Variants in ZFY observed in about 807,000 individuals in gnomAD.
ZFY encodes the protein zinc finger protein Y-linked, also known as zinc finger Y-chromosomal protein.
For synonymous variants in ZFY, 47 were observed against 55.8 expected, an observed-to-expected ratio of 0.84 and a Z score of 0.71; for missense variants, 113 against 170.9, an observed-to-expected ratio of 0.66 and a Z score of 1.89.
chrY:2,965,088 A>G, intron 3 of ZFY, among the ~76,000 whole-genome samples: 1 of 30,520 alleles, frequency 3.3e-5, no homozygotes, highest in South Asian at 7.7e-4. Flanking sequence ...GCCCATTTTT[A>G]GAGAACTGAT....
At chrY:2,961,708 A>G in intron 3 of ZFY, 62 bp downstream of exon 3, 1 of 297,245 alleles carries the variant, frequency 3.4e-6, no homozygotes, top group South Asian at 3.3e-5. Context: ...TCTAACATAA[A>G]TAATGGTGAA....
At chrY:2,970,052 A>G (rs2051343205) in intron 3 of ZFY, among the ~76,000 whole-genome samples, 1 of 32,833 alleles carries the variant, frequency 3.0e-5, no homozygotes, top group Non-Finnish European at 7.5e-5. Context: ...TAAATATTAA[A>G]GTGGATCATC....
intron 3 of ZFY, 81 bp from the exon 4 acceptor site, chrY:2,975,014 T>C: frequency 3.4e-6 from 1 of 295,450 alleles, no homozygotes; most frequent in Middle Eastern, 7.3e-4. Context: ...TAAACAAAGA[T>C]GACATATGTC....
chrY:2,949,431 C>T, intron 1 of ZFY, among the ~76,000 whole-genome samples: 4 of 31,586 alleles, frequency 1.3e-4, no homozygotes, highest in African/African-American at 5.0e-4. Flanking sequence ...CGGCACCCAA[C>T]CTGGCCAAAA....
intron 3 of ZFY, among the ~76,000 whole-genome samples, chrY:2,963,437 T>C (rs1425637356): frequency 3.0e-5 from 1 of 33,596 alleles, no homozygotes. Context: ...ACAGTATAGA[T>C]GTTACTATTG....
At chrY:2,942,578 T>C in intron 1 of ZFY, among the ~76,000 whole-genome samples, 1 of 27,605 alleles carries the variant, frequency 3.6e-5, no homozygotes, top group Non-Finnish European at 8.4e-5. Context: ...AAATTTTTCT[T>C]TTTTTTTTCT....
intron 1 of ZFY, among the ~76,000 whole-genome samples, 181 bp downstream of exon 1, chrY:2,935,950 C>T (rs764396530): frequency 2.9e-5 from 1 of 34,609 alleles, no homozygotes; most frequent in African/African-American, 1.1e-4. Context: ...CGGTTATGAT[C>T]CTTGAGGCGG....
chrY:2,945,474 C>T (rs2051259910), intron 1 of ZFY, among the ~76,000 whole-genome samples: 1 of 30,980 alleles, frequency 3.2e-5, no homozygotes. Context: ...CCCCTCCCCT[C>T]CCCTCCCCTC....
Position 2,950,782 on chromosome Y carries a change from A to G in ZFY, c.-28-3127A>G, listed in dbSNP as rs774097457. On this transcript the variant is annotated intron_variant, in intron 1 of 7. Coordinates refer to ENST00000155093, the MANE Select transcript of ZFY (RefSeq NM_003411.4). The stretch of plus-strand genomic sequence containing the variant: ...GGATATGTATATGACGTAAAATTAT[A>G]CTTAACCCTCTTTCATTCAAGATTT... Among the ~76,000 whole-genome samples, 8 of 33,870 alleles carry G rather than the reference A, an allele frequency of 2.4e-4. No homozygotes were observed. In the East Asian group the frequency reaches 6.2e-3, roughly 26 times the overall value. 90.9% of individuals were successfully genotyped at this position (33,870 alleles called of 37,273 possible).
chrY:2,968,133 A>G (rs2051334790), intron 3 of ZFY, among the ~76,000 whole-genome samples: 1 of 32,735 alleles, frequency 3.1e-5, no homozygotes, highest in South Asian at 6.8e-4. Flanking sequence ...AATTAGTAGA[A>G]AAAGACTCAA....
chrY:2,945,743 TG>T (rs2051260735), intron 1 of ZFY, among the ~76,000 whole-genome samples: 1 of 33,733 alleles, frequency 3.0e-5, no homozygotes, highest in Non-Finnish European at 7.4e-5. Context: ...CCCAAAGTGC[TG>T]GGATTAGAGG....
chrY:2,960,579 TG>T (rs2051305704), intron 2 of ZFY, among the ~76,000 whole-genome samples: 1 of 25,529 alleles, frequency 3.9e-5, no homozygotes, highest in Non-Finnish European at 9.2e-5. Flanking sequence ...GTAGGTATAA[TG>T]AAAAAAAAAA....
At chrY:2,946,121 T>G in intron 1 of ZFY, among the ~76,000 whole-genome samples, 1 of 30,816 alleles carries the variant, frequency 3.2e-5, no homozygotes, top group Non-Finnish European at 7.9e-5. Flanking sequence ...GCAAGGAGGT[T>G]TTTTTTTTTA....
At chrY:2,938,744 A>G in intron 1 of ZFY, among the ~76,000 whole-genome samples, 1 of 28,223 alleles carries the variant, frequency 3.5e-5, no homozygotes, top group Non-Finnish European at 8.3e-5. Context: ...TACCCAGGTA[A>G]TTTTTCTAGT....
chrY:2,954,062 G>T, intron 2 of ZFY, 65 bp downstream of exon 2: 1 of 264,065 alleles, frequency 3.8e-6, no homozygotes, highest in Non-Finnish European at 5.9e-6. Flanking sequence ...TACCAAAATT[G>T]CAGAATCTGA....
chrY:2,938,983 T>TA (rs2051228023), intron 1 of ZFY, among the ~76,000 whole-genome samples: 1 of 5,223 alleles, frequency 1.9e-4, no homozygotes, highest in African/African-American at 9.6e-4. Flanking sequence ...CATACAGTGC[T>TA]TATATATATA....
intron 1 of ZFY, among the ~76,000 whole-genome samples, chrY:2,949,695 A>T: frequency 3.8e-5 from 1 of 26,283 alleles, no homozygotes. Flanking sequence ...AAAAAAAAAA[A>T]AAAGATTACC....
chrY:2,980,039 A>C lies in ZFY; in HGVS notation c.*46A>C. 2.6e-6 allele frequency: 1 copy of C among 378,119 alleles called. No homozygotes were observed. The highest frequency in any genetic ancestry group is 3.8e-6 in the Non-Finnish European group (1 of 265,834). 94.3% of individuals were successfully genotyped at this position (378,119 alleles called of 400,897 possible). A position where few individuals can be genotyped will look rare whatever the true frequency, so the allele number is the denominator to read the frequency against. On this transcript the variant is annotated 3_prime_UTR_variant, in exon 8 of 8. Coordinates refer to ENST00000155093, the MANE Select transcript of ZFY (RefSeq NM_003411.4). ...AAAGATGTTGGCCTTGAAGCAGAAAATTCATTTTTTAAAGCCAGTCTTGTT... is the reference window on the plus strand; with the variant it reads ...AAAGATGTTGGCCTTGAAGCAGAAACTTCATTTTTTAAAGCCAGTCTTGTT...
intron 2 of ZFY, among the ~76,000 whole-genome samples, chrY:2,955,968 T>C: frequency 9.1e-5 from 3 of 33,050 alleles, no homozygotes; most frequent in African/African-American, 3.6e-4. Flanking sequence ...CTTTCCTTTT[T>C]CTTTTTACCT....
Sources: allele counts gnomAD v4.1 joint callset (sites outside exome capture counted in the v4.1 genomes callset), GRCh38; gene constraint gnomAD v4.1.1; transcripts MANE v1.5; gene names NCBI Gene and HGNC (gene_info 2026-07-23, HGNC 2026-07-21).